The following STARD13 variants were observed in gnomAD, a reference collection of about 807,000 sequenced individuals.
The protein encoded by STARD13 is stAR-related lipid transfer protein 13.
STARD13 carries 62 observed loss-of-function variants against 106.4 expected under a neutral mutation model. That is an observed-to-expected ratio of 0.58 (90% CI 0.48 to 0.72). The LOEUF (loss-of-function observed/expected upper bound fraction) is 0.72, where lower values mean the gene tolerates loss of function less well. Ranked by LOEUF, STARD13 falls within the 30% of genes least tolerant of loss-of-function variation. The pLI, the probability that STARD13 is intolerant of heterozygous loss-of-function variation, is 0.00. For missense variants in STARD13, 1,387 were observed against 1,424.0 expected (o/e 0.97, Z 0.42); for synonymous variants, 565 against 553.0 (o/e 1.02, Z -0.31).
chr13:33,309,645 C>T (rs959408506), intron 1 of STARD13, among the ~76,000 whole-genome samples: 1 of 152,206 alleles, frequency 6.6e-6, no homozygotes, highest in African/African-American at 2.4e-5. Flanking sequence ...CACTGGTAAT[C>T]TGTAACAACT....
the STARD13 span, among the ~76,000 whole-genome samples, chr13:33,486,394 A>G: frequency 6.6e-6 from 1 of 152,070 alleles, no homozygotes; most frequent in African/African-American, 2.4e-5. Flanking sequence ...GTTTTTTCCT[A>G]TATGTACCTA....
At chr13:33,357,786 CG>C in the STARD13 span, among the ~76,000 whole-genome samples, 1 of 152,118 alleles carries the variant, frequency 6.6e-6, no homozygotes, top group Non-Finnish European at 1.5e-5. Context: ...AAAAATTAAC[CG>C]AGTGTGCTGG....
At chr13:33,555,659 GAGTT>G in the STARD13 span, among the ~76,000 whole-genome samples, 2 of 152,142 alleles carry the variant, frequency 1.3e-5, no homozygotes. Flanking sequence ...AAACAACTTG[GAGTT>G]AGGAAATACT....
chr13:33,131,827 T>C (rs189559151), intron 4 of STARD13, among the ~76,000 whole-genome samples: 1 of 152,316 alleles, frequency 6.6e-6, no homozygotes, highest in Admixed American at 6.5e-5. Flanking sequence ...AGTAAGTTTC[T>C]GCCACTTATA....
At chr13:33,368,390 G>T in the STARD13 span, among the ~76,000 whole-genome samples, 1 of 152,192 alleles carries the variant, frequency 6.6e-6, no homozygotes, top group African/African-American at 2.4e-5. Flanking sequence ...CAGACACTGT[G>T]TTGGGCACAT....
the STARD13 span, among the ~76,000 whole-genome samples, chr13:33,421,657 G>A: frequency 2.6e-5 from 4 of 152,144 alleles, no homozygotes; most frequent in Non-Finnish European, 5.9e-5. Context: ...GAGAATTTTA[G>A]ACCAATATCC....
intron 1 of STARD13, among the ~76,000 whole-genome samples, chr13:33,203,468 T>C (rs562625083): frequency 6.6e-6 from 1 of 152,220 alleles, no homozygotes; most frequent in Non-Finnish European, 1.5e-5. Context: ...TATCTATGTA[T>C]CTATAAAATG....
the STARD13 span, among the ~76,000 whole-genome samples, chr13:33,612,620 C>T: frequency 8.9e-4 from 135 of 152,292 alleles, no homozygotes; most frequent in Middle Eastern, 0.01. Context: ...TGTCTATTCC[C>T]CTTCTGGGAA....
At chr13:33,128,176 AAGAG>A (rs1179207886) in intron 5 of STARD13, among the ~76,000 whole-genome samples, 1 of 150,234 alleles carries the variant, frequency 6.7e-6, no homozygotes, top group Admixed American at 6.6e-5. Flanking sequence ...CAAAGAGAGA[AAGAG>A]AGAGAGATAC....
chr13:33,148,566 A>T (rs555221932), intron 3 of STARD13, among the ~76,000 whole-genome samples: 1 of 152,322 alleles, frequency 6.6e-6, no homozygotes, highest in Non-Finnish European at 1.5e-5. Context: ...TAAAACACTG[A>T]CAACACTAAA....
intron 1 of STARD13, among the ~76,000 whole-genome samples, chr13:33,251,532 TCA>T (rs1333289914): frequency 1.3e-5 from 2 of 152,240 alleles, no homozygotes; most frequent in African/African-American, 4.8e-5. Flanking sequence ...GCTTTTGGTC[TCA>T]GTGTCATTTA....
the STARD13 span, among the ~76,000 whole-genome samples, chr13:33,457,783 G>A: frequency 6.6e-6 from 1 of 152,116 alleles, no homozygotes; most frequent in Admixed American, 6.6e-5. Context: ...CATCATAAGG[G>A]TTTCATTCTC....
At chr13:33,162,241 ACCAAGT>A (rs1882719684) in intron 3 of STARD13, among the ~76,000 whole-genome samples, 1 of 152,216 alleles carries the variant, frequency 6.6e-6, no homozygotes, top group South Asian at 2.1e-4. Flanking sequence ...GACACAGGGC[ACCAAGT>A]GCCTAGGCTG....
chr13:33,165,725 T>C (rs1156878943), intron 2 of STARD13, among the ~76,000 whole-genome samples: 1 of 152,226 alleles, frequency 6.6e-6, no homozygotes, highest in Non-Finnish European at 1.5e-5. Context: ...GAGAAGAGCT[T>C]TTGTGCTTTC....
At chr13:33,183,275 C>A (rs1885423596) in intron 1 of STARD13, among the ~76,000 whole-genome samples, 1 of 152,186 alleles carries the variant, frequency 6.6e-6, no homozygotes, top group African/African-American at 2.4e-5. Flanking sequence ...GCTCGGAGCT[C>A]AGCATGTGCT....
At chr13:33,314,782 C>T (rs1893267025) in intron 1 of STARD13, among the ~76,000 whole-genome samples, 1 of 152,176 alleles carries the variant, frequency 6.6e-6, no homozygotes, top group Non-Finnish European at 1.5e-5. Flanking sequence ...TGGGTTCCTT[C>T]CCCAGTACTA....
At position 33,220,123 on chromosome 13, in the gene STARD13, A is replaced by G. The variant is rs549852885; in HGVS notation, c.170-52501T>C. ...ACATTGATATATCTTCAGTGGGTAGAGCACTGCTGGCACATAATAGGCATT... is the reference window on the plus strand; with the variant it reads ...ACATTGATATATCTTCAGTGGGTAGGGCACTGCTGGCACATAATAGGCATT... On this transcript the variant is annotated intron_variant, in intron 1 of 13. Transcript: ENST00000336934. 1.3e-3 allele frequency among the ~76,000 whole-genome samples: 195 copies of G among 152,320 alleles called. 2 individuals carry two copies. Among genetic ancestry groups the G allele is most frequent in the African/African-American group, 4.5e-3 (188 of 41,586 alleles).
At chr13:33,450,329 T>C in the STARD13 span, among the ~76,000 whole-genome samples, 1 of 152,192 alleles carries the variant, frequency 6.6e-6, no homozygotes. Flanking sequence ...TCTATTGAGA[T>C]AGTATGATTT....
At chr13:33,207,630 C>A (rs895451732) in intron 1 of STARD13, among the ~76,000 whole-genome samples, 3 of 152,106 alleles carry the variant, frequency 2.0e-5, no homozygotes, top group Non-Finnish European at 4.4e-5. Context: ...CTACACTCAC[C>A]CCTCAACTCC....
Sources: gnomAD v4.1 joint callset for allele counts (sites outside exome capture counted in the v4.1 genomes callset) on GRCh38, gnomAD v4.1.1 for gene constraint, MANE v1.5 for transcripts, NCBI Gene and HGNC (gene_info 2026-07-23, HGNC 2026-07-21) for gene names.